Variants in PSMA3 observed in about 807,000 individuals in gnomAD.
The protein encoded by PSMA3 is proteasome 20S subunit alpha 3, also known as proteasome subunit alpha type-3.
A neutral mutation model predicts 40.0 loss-of-function variants in PSMA3; 8 were observed. The observed-to-expected ratio is 0.20, with a 90% CI of 0.12 to 0.36. The LOEUF is 0.36. Among genes scored for constraint, PSMA3 ranks in the 10% least tolerant of loss-of-function variants. The pLI is 1.00. For synonymous variants in PSMA3, 110 were observed against 100.0 expected (o/e 1.10, Z -0.59); for missense variants, 219 against 310.6 (o/e 0.70, Z 2.22).
At chr14:58,270,810 C>A in intron 9 of PSMA3, 124 bp from the exon 10 acceptor site, 2 of 864,758 alleles carry the variant, frequency 2.3e-6, no homozygotes, top group East Asian at 5.3e-5. Context: ...GAGTATTACT[C>A]ATAGTACAAC....
Position 58,257,829 on chromosome 14 carries a change from T to C in PSMA3, c.313T>C (p.Tyr105His). The change falls in exon 4 of 11, where the codon TAC becomes CAC. Residue 105 changes from tyrosine to histidine, a missense_variant. By Grantham distance (83) the Tyr-to-His change is moderately conservative. Transcript: ENST00000216455. ...EASNFRSNFGYNIPLKHLADR... is the reference protein window; with the variant it reads ...EASNFRSNFGHNIPLKHLADR... The stretch of plus-strand genomic sequence containing the variant: ...TTCCAACTTCAGATCTAACTTTGGC[T>C]ACAACATTCCACTAAAAGTAAGTTG... 1.2e-6 allele frequency: 2 copies of C among 1,613,576 alleles called. No individual in the cohort carries two copies. The highest frequency in any genetic ancestry group is 4.5e-5 in the East Asian group (2 of 44,842).
chr14:58,252,549 CTT>C (rs1890036162), intron 3 of PSMA3, among the ~76,000 whole-genome samples: 1 of 151,996 alleles, frequency 6.6e-6, no homozygotes, highest in Non-Finnish European at 1.5e-5. Flanking sequence ...TTCTGTATCT[CTT>C]GTGGGGATCA....
chr14:58,267,511 T>C lies in PSMA3; in HGVS notation c.581T>C (p.Val194Ala), dbSNP rs148626478. The change falls in exon 8 of 11, where the codon GTT becomes GCT. Residue 194 changes from valine (V) to alanine (A), a missense_variant. Val to Ala is a moderately conservative substitution (Grantham distance 64). Coordinates refer to ENST00000216455, the MANE Select transcript of PSMA3 (RefSeq NM_002788.4). ...ACCTGCCGTGATATCGTTAAAGAAG[T>C]TGCAAAAATGTAAGTTGAAATTTTT... Reference protein sequence around the residue: ...EMTCRDIVKEVAKIIYIVHDE... With the variant: ...EMTCRDIVKEAAKIIYIVHDE... 4 of 1,576,468 alleles carry C rather than the reference T, an allele frequency of 2.5e-6. No homozygotes were observed. Among genetic ancestry groups the C allele is most frequent in the Admixed American group, 1.9e-5 (1 of 52,958 alleles).
In PSMA3 at chr14:58,260,987, A is replaced by C. The variant is rs1316204277; in HGVS notation, c.444A>C (p.Gln148His). 6 of 1,612,434 alleles carry C rather than the reference A, an allele frequency of 3.7e-6. No homozygotes were observed. The highest frequency in any genetic ancestry group is 5.1e-6 in the Non-Finnish European group (6 of 1,178,926). Residue 148 changes from glutamine to histidine, a missense_variant, in exon 6 of 11, where the codon CAA (glutamine) becomes CAC (histidine). By Grantham distance (24) the Gln-to-His change is conservative. Coordinates refer to ENST00000216455, the MANE Select transcript of PSMA3 (RefSeq NM_002788.4). ...LGSYSVNDGA[Q>H]LYMIDPSGVS... ...CTTACAGTGTGAATGACGGTGCGCA[A>C]CTCTACATGATTGACCCATCAGGTG...
intron 3 of PSMA3, among the ~76,000 whole-genome samples, chr14:58,256,316 T>C (rs1890143772): frequency 1.3e-5 from 2 of 152,292 alleles, no homozygotes; most frequent in African/African-American, 4.8e-5. Context: ...CAGCAGTATA[T>C]CGGATATTTT....
intron 9 of PSMA3, 147 bp from the exon 10 acceptor site, chr14:58,270,787 C>A: frequency 2.5e-6 from 2 of 789,056 alleles, no homozygotes; most frequent in Non-Finnish European, 2.0e-6. Context: ...AGAAGCAGCA[C>A]ACAAAAATAT....
intron 6 of PSMA3, 42 bp from the exon 7 acceptor site, chr14:58,263,663 A>G: frequency 2.1e-6 from 3 of 1,438,508 alleles, no homozygotes; most frequent in Non-Finnish European, 2.9e-6. Context: ...TACATATGAT[A>G]GTGTACTAAT....
At chr14:58,254,384 C>G (rs563249868) in intron 3 of PSMA3, among the ~76,000 whole-genome samples, 1 of 63,598 alleles carries the variant, frequency 1.6e-5, no homozygotes, top group African/African-American at 5.9e-5. Flanking sequence ...GTTGCCCAGG[C>G]TTGAGTGCAG....
Position 58,271,005 on chromosome 14 carries a change from C to T in PSMA3, c.723+7C>T, listed in dbSNP as rs375282915. Reference sequence around the variant, plus strand: ...AGCAGAGAAATATGCTAAGGTAAGCCACAGCACAAAAACTTCTCTTGGCCA... The same window carrying T: ...AGCAGAGAAATATGCTAAGGTAAGCTACAGCACAAAAACTTCTCTTGGCCA... On this transcript the variant is annotated splice_region_variant and intron_variant, in intron 10 of 10. Coordinates refer to ENST00000216455, the MANE Select transcript of PSMA3 (RefSeq NM_002788.4). 1 of 1,596,546 alleles carries T rather than the reference C, an allele frequency of 6.3e-7. No homozygotes were observed. Among genetic ancestry groups the T allele is most frequent in the Non-Finnish European group, 8.6e-7 (1 of 1,169,468 alleles).
At chr14:58,257,279 C>T (rs758636164) in intron 3 of PSMA3, among the ~76,000 whole-genome samples, 7 of 152,000 alleles carry the variant, frequency 4.6e-5, no homozygotes, top group African/African-American at 7.2e-5. Context: ...AGGCAGATCA[C>T]GAGGTCAGGA....
chr14:58,263,852 G>A, intron 7 of PSMA3, 82 bp downstream of exon 7: 1 of 1,284,656 alleles, frequency 7.8e-7, no homozygotes, highest in Non-Finnish European at 1.1e-6. Context: ...TCAGTCTAAG[G>A]CAGGGATGTC....
chr14:58,270,721 A>G (rs527571216), intron 9 of PSMA3, among the ~76,000 whole-genome samples: 2 of 152,376 alleles, frequency 1.3e-5, no homozygotes, highest in South Asian at 4.1e-4. Context: ...TATAAATAGC[A>G]TAATTTACTT....
chr14:58,257,969 C>G lies in PSMA3; in HGVS notation c.375C>G (p.Leu125=). ...CCATGTATGTGCATGCATATACACTCTACAGTGCTGTTAGACCTTTTGGCT... is the reference window on the plus strand; with the variant it reads ...CCATGTATGTGCATGCATATACACTGTACAGTGCTGTTAGACCTTTTGGCT... The part of the protein sequence containing the change: ...RVAMYVHAYT[L]YSAVRPFGCS... Residue 125 remains leucine (L), a synonymous_variant, in exon 5 of 11, where the codon CTC becomes CTG. Transcript: ENST00000216455. 4 of 1,613,870 alleles carry G rather than the reference C, an allele frequency of 2.5e-6. No homozygotes were observed. Among genetic ancestry groups the G allele is most frequent in the Non-Finnish European group, 3.4e-6 (4 of 1,179,792 alleles).
At chr14:58,267,207 G>T (rs1389023594) in intron 7 of PSMA3, 2 of 260,976 alleles carry the variant, frequency 7.7e-6, no homozygotes, top group African/African-American at 2.3e-5. Context: ...TCACCATGTT[G>T]GTCAGGCTGG....
chr14:58,260,727 C>T (rs1890257582), intron 5 of PSMA3, among the ~76,000 whole-genome samples: 2 of 152,004 alleles, frequency 1.3e-5, no homozygotes, highest in Non-Finnish European at 2.9e-5. Context: ...AGACCTTCAT[C>T]AGAAAGATTA....
chr14:58,247,172 C>T (rs1889900340), intron 1 of PSMA3, among the ~76,000 whole-genome samples: 1 of 152,236 alleles, frequency 6.6e-6, no homozygotes, highest in Non-Finnish European at 1.5e-5. Flanking sequence ...ATATAACTGC[C>T]CAGAAGGCCT....
At chr14:58,249,933 G>T (rs1889968918) in intron 2 of PSMA3, among the ~76,000 whole-genome samples, 2 of 152,150 alleles carry the variant, frequency 1.3e-5, no homozygotes, top group African/African-American at 4.8e-5. Context: ...AATTAAGACA[G>T]GCTTCCTGCT....
At chr14:58,260,854 C>A in intron 5 of PSMA3, 94 bp from the exon 6 acceptor site, 3 of 880,460 alleles carry the variant, frequency 3.4e-6, no homozygotes, top group Non-Finnish European at 3.5e-6. Flanking sequence ...TAATTTATCT[C>A]AGAAAGAAAA....
At chr14:58,266,305 T>A (rs931627802) in intron 7 of PSMA3, 4 of 152,182 alleles carry the variant, frequency 2.6e-5, no homozygotes, top group African/African-American at 9.7e-5. Flanking sequence ...GATAATCTAG[T>A]TTAATATATA....
Sources: allele counts gnomAD v4.1 joint callset (sites outside exome capture counted in the v4.1 genomes callset), GRCh38; gene constraint gnomAD v4.1.1; transcripts MANE v1.5; gene names NCBI Gene and HGNC (gene_info 2026-07-23, HGNC 2026-07-21).